The following ABTB3 variants were observed in gnomAD, a reference collection of about 807,000 sequenced individuals.
ABTB3 encodes the protein ankyrin repeat and BTB domain containing 3.
At chr12:107,482,395 T>C in the ABTB3 span, among the ~76,000 whole-genome samples, 3 of 151,858 alleles carry the variant, frequency 2.0e-5, no homozygotes, top group Non-Finnish European at 4.4e-5. Flanking sequence ...CCCAGTGGAG[T>C]TCAAGATCTC....
At chr12:107,563,629 G>A in the ABTB3 span, among the ~76,000 whole-genome samples, 2 of 151,198 alleles carry the variant, frequency 1.3e-5, no homozygotes, top group South Asian at 2.1e-4. Context: ...AGAGTCCTAT[G>A]GAGGAAGAGG....
the ABTB3 span, among the ~76,000 whole-genome samples, chr12:107,470,879 C>G: frequency 6.4e-4 from 97 of 152,132 alleles, 1 homozygote; most frequent in Non-Finnish European, 2.5e-4. Flanking sequence ...CACCAGCCAG[C>G]TGGGAGAAAT....
chr12:107,618,364 A>G, the ABTB3 span: 7 of 1,612,818 alleles, frequency 4.3e-6, 1 homozygote, highest in Middle Eastern at 6.6e-4. Context: ...GTCACAATTG[A>G]TATCAGGAGC....
the ABTB3 span, among the ~76,000 whole-genome samples, chr12:107,396,177 C>T: frequency 6.6e-6 from 1 of 152,232 alleles, no homozygotes; most frequent in African/African-American, 2.4e-5. Context: ...TCCTCTGCCT[C>T]TCCACATTGT....
At chr12:107,571,468 A>G in the ABTB3 span, among the ~76,000 whole-genome samples, 2 of 152,338 alleles carry the variant, frequency 1.3e-5, no homozygotes, top group East Asian at 3.9e-4. Context: ...AAGCAGGCCC[A>G]CATGGCCCCT....
chr12:107,422,504 T>G, the ABTB3 span, among the ~76,000 whole-genome samples: 1 of 152,154 alleles, frequency 6.6e-6, no homozygotes, highest in African/African-American at 2.4e-5. Context: ...AAGTGGAGAA[T>G]AGGCTGTAGA....
chr12:107,597,260 T>C, the ABTB3 span, among the ~76,000 whole-genome samples: 201 of 152,340 alleles, frequency 1.3e-3, 2 homozygotes, highest in Non-Finnish European at 2.3e-3. Flanking sequence ...TCTGAGCTAT[T>C]AAGAGAGTAG....
At chr12:107,406,561 A>C in the ABTB3 span, among the ~76,000 whole-genome samples, 1 of 152,176 alleles carries the variant, frequency 6.6e-6, no homozygotes, top group Middle Eastern at 3.2e-3. Flanking sequence ...AAGTGAGCTC[A>C]GAGCATGAGA....
the ABTB3 span, among the ~76,000 whole-genome samples, chr12:107,341,277 A>G: frequency 6.6e-6 from 1 of 152,132 alleles, no homozygotes; most frequent in Non-Finnish European, 1.5e-5. Context: ...TGAAGCACCT[A>G]CCTTGTGACA....
At chr12:107,648,375 C>T in the ABTB3 span, among the ~76,000 whole-genome samples, 5 of 139,904 alleles carry the variant, frequency 3.6e-5, no homozygotes, top group South Asian at 1.3e-3. Context: ...AGCAAGACCC[C>T]ATCTCCACAC....
At chr12:107,580,103 A>T in the ABTB3 span, among the ~76,000 whole-genome samples, 3 of 152,128 alleles carry the variant, frequency 2.0e-5, no homozygotes, top group Non-Finnish European at 4.4e-5. Context: ...ACCTCCCCTG[A>T]TCTATGGAAT....
At chr12:107,605,086 A>T in the ABTB3 span, among the ~76,000 whole-genome samples, 1 of 152,384 alleles carries the variant, frequency 6.6e-6, no homozygotes, top group South Asian at 2.1e-4. Flanking sequence ...TATGGTAATT[A>T]GTTTGATTTA....
chr12:107,335,922 T>A, the ABTB3 span, among the ~76,000 whole-genome samples: 21 of 152,196 alleles, frequency 1.4e-4, no homozygotes, highest in South Asian at 4.4e-3. Flanking sequence ...GAATTCAGGG[T>A]CCAACAACTG....
the ABTB3 span, among the ~76,000 whole-genome samples, chr12:107,620,446 C>T: frequency 2.0e-5 from 3 of 151,804 alleles, no homozygotes; most frequent in Admixed American, 6.6e-5. Context: ...ATGATACCAA[C>T]ATGTGTGCCC....
chr12:107,487,936 G>C, the ABTB3 span, among the ~76,000 whole-genome samples: 1 of 151,814 alleles, frequency 6.6e-6, no homozygotes, highest in Non-Finnish European at 1.5e-5. Flanking sequence ...CCGCTTTCAG[G>C]TTGGCTGGGT....
At chr12:107,544,223 G>A in the ABTB3 span, 8 of 1,406,036 alleles carry the variant, frequency 5.7e-6, no homozygotes, top group South Asian at 9.4e-5. Flanking sequence ...AGGATGATGG[G>A]GGTAGAAAGG....
the ABTB3 span, among the ~76,000 whole-genome samples, chr12:107,516,896 T>C: frequency 6.6e-6 from 1 of 152,258 alleles, no homozygotes; most frequent in Admixed American, 6.5e-5. Flanking sequence ...TCCATGCCAG[T>C]GTCATCTCTT....
chr12:107,323,155 G>C, the ABTB3 span, among the ~76,000 whole-genome samples: 1 of 152,098 alleles, frequency 6.6e-6, no homozygotes, highest in Non-Finnish European at 1.5e-5. Context: ...TGTTGTTATT[G>C]TTGTTCTAAA....
the ABTB3 span, among the ~76,000 whole-genome samples, chr12:107,542,125 C>T: frequency 6.6e-6 from 1 of 152,000 alleles, no homozygotes; most frequent in Non-Finnish European, 1.5e-5. Context: ...GCCTGGCCAA[C>T]ATGGTGAAAC....
Sources: allele counts gnomAD v4.1 joint callset (sites outside exome capture counted in the v4.1 genomes callset), GRCh38; gene constraint gnomAD v4.1.1; transcripts MANE v1.5; gene names NCBI Gene and HGNC (gene_info 2026-07-23, HGNC 2026-07-21).